EP300: variants seen among roughly 807,000 people sequenced by gnomAD.
EP300 encodes histone acetyltransferase p300.
Under a neutral mutation model 264.0 loss-of-function variants are expected in EP300, and 31 were observed. The ratio of observed to expected loss-of-function variants is 0.12; its 90% CI spans 0.09 to 0.16. EP300 has a LOEUF of 0.16. Ranked by LOEUF, EP300 falls within the 10% of genes least tolerant of loss-of-function variation. The pLI, the probability that EP300 is intolerant of heterozygous loss-of-function variation, is 1.00. For synonymous variants in EP300, 1,340 were observed against 1,045.4 expected, an observed-to-expected ratio of 1.28 and a Z score of -5.44; for missense variants, 2,766 against 3,052.9, an observed-to-expected ratio of 0.91 and a Z score of 2.21.
At chr22:41,160,894 C>G (rs567280705) in intron 20 of EP300, among the ~76,000 whole-genome samples, 172 bp downstream of exon 20, 1 of 152,258 alleles carries the variant, frequency 6.6e-6, no homozygotes, top group Non-Finnish European at 1.5e-5. Context: ...ACATGGAATA[C>G]TCACATTTCA....
At position 41,117,189 on chromosome 22, in the gene EP300, T is replaced by C; in HGVS notation, c.97T>C (p.Phe33Leu). 6.2e-7 allele frequency: 1 copy of C among 1,614,164 alleles called. No homozygotes were observed. The highest frequency in any genetic ancestry group is 2.2e-5 in the East Asian group (1 of 44,894). ...LSASASDGTD[F>L]GSLFDLEHDL... is the part of the protein sequence containing the mutation. The stretch of plus-strand genomic sequence containing the variant: ...TTGTCTTTTCCCTTTGCTTTTAGAT[T>C]TTGGCTCTCTATTTGACTTGGAGCA... The change falls in exon 2 of 31, where the codon TTT becomes CTT. Residue 33 changes from phenylalanine to leucine, a missense_variant and splice_region_variant. Transcript: ENST00000263253.
chr22:41,176,877 A>G lies in EP300; in HGVS notation c.5166A>G (p.Ala1722=). 3 of 1,614,118 alleles carry G rather than the reference A, an allele frequency of 1.9e-6. No individual in the cohort carries two copies. The highest frequency in any genetic ancestry group is 2.5e-6 in the Non-Finnish European group (3 of 1,179,960). ...ATGAGAGCAACAACCAGCAGGCTGC[A>G]GCCACCCAGAGCCCAGGCGATTCTC... The part of the protein sequence containing the change: ...LDDESNNQQA[A]ATQSPGDSRR... Residue 1722 remains alanine, a synonymous_variant, in exon 31 of 31, where the codon GCA becomes GCG. Coordinates refer to ENST00000263253, the MANE Select transcript of EP300 (RefSeq NM_001429.4).
intron 4 of EP300, among the ~76,000 whole-genome samples, chr22:41,128,407 T>C (rs1411948128): frequency 6.6e-6 from 1 of 151,938 alleles, no homozygotes; most frequent in African/African-American, 2.4e-5. Flanking sequence ...GTTGGTGTGA[T>C]TCGACATCAT....
chr22:41,106,408 T>C (rs1233718868), intron 1 of EP300, among the ~76,000 whole-genome samples: 1 of 152,192 alleles, frequency 6.6e-6, no homozygotes, highest in African/African-American at 2.4e-5. Context: ...ATCTCTAACC[T>C]GGCCTTGGCG....
At chr22:41,114,425 C>T (rs975686993) in intron 1 of EP300, among the ~76,000 whole-genome samples, 1 of 152,182 alleles carries the variant, frequency 6.6e-6, no homozygotes, top group Non-Finnish European at 1.5e-5. Flanking sequence ...CGTCTGCCCT[C>T]CTTGGCCTCA....
chr22:41,167,636 A>ATATATATATATATATAT (rs1569115767), intron 23 of EP300, among the ~76,000 whole-genome samples: 2 of 81,730 alleles, frequency 2.4e-5, no homozygotes, highest in Non-Finnish European at 4.7e-5. Flanking sequence ...ATATATATAT[A>ATATATATATATATATAT]ATGTTTGGTT....
At chr22:41,137,816 A>G (rs752718569) in intron 8 of EP300, 26 bp downstream of exon 8, 1 of 1,613,968 alleles carries the variant, frequency 6.2e-7, no homozygotes, top group Non-Finnish European at 8.5e-7. Flanking sequence ...GACACGTCTC[A>G]TTCGTAAAGA....
intron 1 of EP300, among the ~76,000 whole-genome samples, chr22:41,097,342 T>C (rs993228382): frequency 2.0e-5 from 3 of 152,222 alleles, no homozygotes; most frequent in African/African-American, 4.8e-5. Flanking sequence ...TGTATTGGCA[T>C]GTCCAGTGAA....
chr22:41,178,989 T>A lies in EP300; in HGVS notation c.*33T>A, dbSNP rs772729310. 7.6e-5 allele frequency: 123 copies of A among 1,610,398 alleles called. No individual in the cohort carries two copies. The highest frequency in any genetic ancestry group is 1.7e-4 in the Middle Eastern group (1 of 6,052). ...TTGTAGTATTTTGGGAGCAAAAAAA[T>A]TATTTTCTCTTAACAAGACTTTTTG... On this transcript the variant is annotated 3_prime_UTR_variant, in exon 31 of 31. Transcript: ENST00000263253.
At position 41,168,470 on chromosome 22, in the gene EP300, G is replaced by T; in HGVS notation, c.3896G>T (p.Gly1299Val). The change falls in exon 24 of 31, where the codon GGC becomes GTC. Residue 1299 changes from glycine to valine, a missense_variant. Coordinates refer to ENST00000263253, the MANE Select transcript of EP300 (RefSeq NM_001429.4). ...SAKRLPSTRLGTFLENRVNDF... is the reference protein window; with the variant it reads ...SAKRLPSTRLVTFLENRVNDF... ...CTAGGGTTGCCATCTACCAGACTTG[G>T]CACCTTTCTAGAGAATCGTGTGAAT... 1 of 1,614,144 alleles carries T rather than the reference G, an allele frequency of 6.2e-7. No homozygotes were observed. Among genetic ancestry groups the T allele is most frequent in the Non-Finnish European group, 8.5e-7 (1 of 1,180,018 alleles).
rs71200660 is a variant in EP300, at chr22:41,110,282, A to ATTTTTTTT, written c.95-6874_95-6867dup. 2.5e-4 allele frequency among the ~76,000 whole-genome samples: 12 copies of ATTTTTTTT among 48,222 alleles called. 5 individuals carry two copies. The highest frequency in any genetic ancestry group is 4.5e-4 in the Non-Finnish European group (12 of 26,878). 31.6% of individuals were successfully genotyped at this position (48,222 alleles called of 152,430 possible). A position where few individuals can be genotyped will look rare whatever the true frequency, so the allele number is the denominator to read the frequency against. On this transcript the variant is annotated intron_variant, in intron 1 of 30. Coordinates refer to ENST00000263253, the MANE Select transcript of EP300 (RefSeq NM_001429.4). ...AGGTGCATGCCAGCATATCCAGCTA[A>ATTTTTTTT]TTTTTTTTTTTTTTTTTTTTTTTTT...
At position 41,093,167 on chromosome 22, in the gene EP300, C is replaced by T. The variant is rs1179101400; in HGVS notation, c.94+69C>T. On this transcript the variant is annotated intron_variant, in intron 1 of 30. Transcript: ENST00000263253. The stretch of plus-strand genomic sequence containing the variant: ...TTCTACTCGGTGCGCCTTTATTCTT[C>T]CATTTTTTTTTTCTTCCTCTCTCTC... 4 of 1,500,396 alleles carry T rather than the reference C, an allele frequency of 2.7e-6. No homozygotes were observed. The African/African-American group carries it at 4.2e-5, about 16-fold the overall frequency. The allele number at this position is 1,500,396 out of a possible 1,614,324, so 92.9% of individuals were successfully genotyped here.
In EP300 at chr22:41,177,762, A is replaced by G. The variant is rs751678656; in HGVS notation, c.6051A>G (p.Ser2017=). ...GGATGCCAAGGCCAGCCATGATGTCAGTGGCCCAGCATGGTCAACCTTTGA... is the reference window on the plus strand; with the variant it reads ...GGATGCCAAGGCCAGCCATGATGTCGGTGGCCCAGCATGGTCAACCTTTGA... The part of the protein sequence containing the change: ...QSGMPRPAMM[S]VAQHGQPLNM... The change falls in exon 31 of 31, where the codon TCA becomes TCG. Residue 2017 remains serine (S), a synonymous_variant. Coordinates refer to ENST00000263253, the MANE Select transcript of EP300 (RefSeq NM_001429.4). 1.9e-6 allele frequency: 3 copies of G among 1,613,978 alleles called. No individual in the cohort carries two copies. The highest frequency in any genetic ancestry group is 1.6e-4 in the Middle Eastern group (1 of 6,062).
intron 1 of EP300, among the ~76,000 whole-genome samples, chr22:41,093,999 C>A (rs780008670): frequency 2.6e-5 from 4 of 152,218 alleles, no homozygotes; most frequent in Non-Finnish European, 5.9e-5. Context: ...TTTAAACATA[C>A]TTGGAGATCA....
At chr22:41,106,888 G>C (rs2058760975) in intron 1 of EP300, among the ~76,000 whole-genome samples, 1 of 152,026 alleles carries the variant, frequency 6.6e-6, no homozygotes, top group South Asian at 2.1e-4. Flanking sequence ...CCACCTACCA[G>C]GTCTGGCCTA....
intron 1 of EP300, among the ~76,000 whole-genome samples, chr22:41,107,598 A>C (rs1207500413): frequency 6.6e-6 from 1 of 152,164 alleles, no homozygotes; most frequent in African/African-American, 2.4e-5. Flanking sequence ...TCTAATTTTG[A>C]AGGTTATGCT....
chr22:41,111,464 G>C (rs958108151), intron 1 of EP300, among the ~76,000 whole-genome samples: 3 of 152,114 alleles, frequency 2.0e-5, no homozygotes, highest in African/African-American at 7.2e-5. Context: ...ATATGTATTT[G>C]CTTTGAACTT....
intron 27 of EP300, among the ~76,000 whole-genome samples, chr22:41,171,238 G>A (rs144334041): frequency 3.4e-4 from 52 of 151,896 alleles, no homozygotes; most frequent in African/African-American, 1.2e-3. Flanking sequence ...ATTCCAAAGT[G>A]CTGGGATTAC....
intron 6 of EP300, among the ~76,000 whole-genome samples, chr22:41,134,185 A>G (rs1469878448): frequency 8.5e-5 from 5 of 58,540 alleles, no homozygotes; most frequent in African/African-American, 2.5e-4. Flanking sequence ...TTTTTTTCTG[A>G]TTTCATTCTT....
Sources: allele counts gnomAD v4.1 joint callset (sites outside exome capture counted in the v4.1 genomes callset), GRCh38; gene constraint gnomAD v4.1.1; transcripts MANE v1.5; gene names NCBI Gene and HGNC (gene_info 2026-07-23, HGNC 2026-07-21).